The following THRAP3 variants were observed in gnomAD, a reference collection of about 807,000 sequenced individuals.
The protein encoded by THRAP3 is thyroid hormone receptor associated protein 3.
THRAP3 carries 16 observed loss-of-function variants against 101.0 expected under a neutral mutation model. The observed-to-expected ratio is 0.16, with a 90% CI of 0.11 to 0.24. The LOEUF (loss-of-function observed/expected upper bound fraction) is 0.24, where lower values mean the gene tolerates loss of function less well. Among genes scored for constraint, THRAP3 ranks in the 10% least tolerant of loss-of-function variants. THRAP3 has a pLI of 1.00. For synonymous variants in THRAP3, 407 were observed against 422.6 expected, an observed-to-expected ratio of 0.96 and a Z score of 0.45; for missense variants, 989 against 1,202.7, an observed-to-expected ratio of 0.82 and a Z score of 2.63.
At chr1:36,287,887 A>T (rs767180995) in intron 4 of THRAP3, 8 of 985,302 alleles carry the variant, frequency 8.1e-6, no homozygotes, top group Non-Finnish European at 9.6e-6. Flanking sequence ...TTGGAACATG[A>T]ATCTTTGTTT....
At chr1:36,268,324 AATACT>A (rs1340750633) in intron 2 of THRAP3, among the ~76,000 whole-genome samples, 1 of 152,122 alleles carries the variant, frequency 6.6e-6, no homozygotes, top group Non-Finnish European at 1.5e-5. Context: ...CATCCAAAGA[AATACT>A]AGACTAGAAA....
chr1:36,301,033 A>G lies in THRAP3; in HGVS notation c.2451A>G (p.Lys817=). ...TTGACAAATCAAGACTGGGGACCAA[A>G]GACTTTGTGGGTCCAAGTGAAAGAG... ...TGFDKSRLGT[K]DFVGPSERGG... The change falls in exon 10 of 12, where the codon AAA becomes AAG. Residue 817 remains lysine (K), a synonymous_variant. Coordinates refer to ENST00000354618, the MANE Select transcript of THRAP3 (RefSeq NM_005119.4). 1 of 1,614,194 alleles carries G rather than the reference A, an allele frequency of 6.2e-7. No homozygotes were observed. Among genetic ancestry groups the G allele is most frequent in the Non-Finnish European group, 8.5e-7 (1 of 1,180,034 alleles).
At chr1:36,258,001 C>T (rs549988136) in intron 1 of THRAP3, among the ~76,000 whole-genome samples, 3 of 152,266 alleles carry the variant, frequency 2.0e-5, no homozygotes, top group African/African-American at 4.8e-5. Flanking sequence ...CCACCATGCC[C>T]GGCTACTTTT....
At chr1:36,265,975 G>A (rs1248846271) in intron 2 of THRAP3, among the ~76,000 whole-genome samples, 1 of 151,910 alleles carries the variant, frequency 6.6e-6, no homozygotes, top group Non-Finnish European at 1.5e-5. Flanking sequence ...CCAGCATGGT[G>A]AGACCCCGTC....
intron 4 of THRAP3, chr1:36,288,678 TG>T: frequency 1.0e-6 from 1 of 985,508 alleles, no homozygotes; most frequent in African/African-American, 1.7e-5. Context: ...TTAACTTTGC[TG>T]AAAGCAGATT....
intron 1 of THRAP3, among the ~76,000 whole-genome samples, chr1:36,244,213 C>A (rs183741971): frequency 2.6e-5 from 4 of 152,338 alleles, no homozygotes; most frequent in African/African-American, 9.6e-5. Flanking sequence ...AATTTATTTT[C>A]TTTAACTAGG....
upstream of THRAP3, among the ~76,000 whole-genome samples, chr1:36,220,232 A>G (rs756670402): frequency 6.6e-6 from 1 of 152,130 alleles, no homozygotes; most frequent in Non-Finnish European, 1.5e-5. Flanking sequence ...ACCTCAAGTG[A>G]TCTACCCATC....
intron 11 of THRAP3, 61 bp from the exon 12 acceptor site, chr1:36,303,732 GAGA>G: frequency 6.2e-7 from 1 of 1,609,518 alleles, no homozygotes; most frequent in Non-Finnish European, 8.5e-7. Flanking sequence ...GGTGCGTGCA[GAGA>G]AGAGAGCTCT....
chr1:36,239,890 C>A (rs1473923317), intron 1 of THRAP3, among the ~76,000 whole-genome samples: 1 of 152,126 alleles, frequency 6.6e-6, no homozygotes, highest in African/African-American at 2.4e-5. Flanking sequence ...TCATCTTAAT[C>A]ATTTGTTTTT....
Position 36,286,990 on chromosome 1 carries a change from C to T in THRAP3, c.760C>T (p.Pro254Ser), listed in dbSNP as rs1298778744. Residue 254 changes from proline to serine, a missense_variant, in exon 4 of 12, where the codon CCC (proline) becomes TCC (serine). Coordinates refer to ENST00000354618, the MANE Select transcript of THRAP3 (RefSeq NM_005119.4). The surrounding 1 kb of genome is among the most constrained non-coding windows in gnomAD (Gnocchi z 5.5). ...GGAGCGAAGCCCAGCTCTCAAAAGC[C>T]CCCTCCAGTCTGTGGTGGTGAGGCG... ...PRERSPALKS[P>S]LQSVVVRRRS... 2.5e-6 allele frequency: 4 copies of T among 1,614,222 alleles called. No homozygotes were observed. The highest frequency in any genetic ancestry group is 3.4e-6 in the Non-Finnish European group (4 of 1,180,044).
intron 2 of THRAP3, among the ~76,000 whole-genome samples, chr1:36,269,174 A>G (rs1277941357): frequency 6.6e-6 from 1 of 152,060 alleles, no homozygotes; most frequent in African/African-American, 2.4e-5. Context: ...TTCTGAACAC[A>G]CAGGAGTGTT....
chr1:36,209,411 T>A, the THRAP3 span, among the ~76,000 whole-genome samples: 1 of 152,200 alleles, frequency 6.6e-6, no homozygotes, highest in African/African-American at 2.4e-5. Flanking sequence ...GTCTTGCGCA[T>A]TGTAGGATGT....
At chr1:36,225,038 C>T (rs147702311) in intron 1 of THRAP3, 19 of 152,298 alleles carry the variant, frequency 1.2e-4, no homozygotes, top group African/African-American at 4.1e-4. Flanking sequence ...TCACTTTTTT[C>T]TTGGGCTGGA....
intron 1 of THRAP3, among the ~76,000 whole-genome samples, chr1:36,254,598 T>C (rs1171708111): frequency 6.6e-6 from 1 of 152,216 alleles, no homozygotes; most frequent in African/African-American, 2.4e-5. Flanking sequence ...CTGAAGGCAG[T>C]CCCTGTTGCA....
At chr1:36,288,648 C>A (rs1302717973) in intron 4 of THRAP3, 9 of 985,284 alleles carry the variant, frequency 9.1e-6, no homozygotes, top group Non-Finnish European at 1.1e-5. Context: ...GCAAAACAGT[C>A]CAAGGTTGAA....
intron 2 of THRAP3, among the ~76,000 whole-genome samples, chr1:36,268,228 C>T (rs1392632673): frequency 1.3e-5 from 2 of 149,958 alleles, no homozygotes; most frequent in Non-Finnish European, 3.0e-5. Flanking sequence ...CTGAAGGTGA[C>T]AGAAAAAAGG....
At chr1:36,280,270 A>T (rs2124574564) in intron 2 of THRAP3, among the ~76,000 whole-genome samples, 1 of 152,354 alleles carries the variant, frequency 6.6e-6, no homozygotes, top group Non-Finnish European at 1.5e-5. Context: ...TAATAAAAAC[A>T]CTGGTTAAGC....
intron 2 of THRAP3, among the ~76,000 whole-genome samples, chr1:36,272,744 A>G (rs751291317): frequency 7.2e-5 from 11 of 152,166 alleles, no homozygotes; most frequent in Admixed American, 1.3e-4. Flanking sequence ...GACTGTTGAA[A>G]GCATGGCTCT....
chr1:36,224,110 G>C (rs568083904), upstream of THRAP3, among the ~76,000 whole-genome samples: 1 of 152,204 alleles, frequency 6.6e-6, no homozygotes, highest in Non-Finnish European at 1.5e-5. Flanking sequence ...GGAGTGGGTG[G>C]GGCTCAGACT....
Sources: allele counts gnomAD v4.1 joint callset (sites outside exome capture counted in the v4.1 genomes callset), GRCh38; gene constraint gnomAD v4.1.1; non-coding constraint Gnocchi (gnomAD v3.1); transcripts MANE v1.5; gene names NCBI Gene and HGNC (gene_info 2026-07-23, HGNC 2026-07-21).